MACROD1: variants seen among roughly 807,000 people sequenced by gnomAD.
The protein encoded by MACROD1 is mono-ADP ribosylhydrolase 1.
A neutral mutation model predicts 41.4 loss-of-function variants in MACROD1; 31 were observed. That is an observed-to-expected ratio of 0.75 (90% CI 0.56 to 1.01). The LOEUF (loss-of-function observed/expected upper bound fraction) is 1.01, where lower values mean the gene tolerates loss of function less well. Ranked by LOEUF, MACROD1 falls within the 50% of genes least tolerant of loss-of-function variation. The probability of loss-of-function intolerance (pLI) is 0.00; values close to 1 mark genes in which losing one functional copy is unlikely to be tolerated. For missense variants in MACROD1, 473 were observed against 460.0 expected, an observed-to-expected ratio of 1.03 and a Z score of -0.26; for synonymous variants, 252 against 203.4, an observed-to-expected ratio of 1.24 and a Z score of -2.03.
At chr11:64,021,792 G>A (rs1035890828) in intron 3 of MACROD1, among the ~76,000 whole-genome samples, 7 of 152,036 alleles carry the variant, frequency 4.6e-5, no homozygotes, top group Non-Finnish European at 1.0e-4. Flanking sequence ...CAGGCGCTGG[G>A]ACACGGATGG....
chr11:64,125,636 C>T (rs1164468065), intron 3 of MACROD1, among the ~76,000 whole-genome samples: 1 of 152,242 alleles, frequency 6.6e-6, no homozygotes. Context: ...TCGCTCCACC[C>T]TGCCTTGGAT....
rs765613317 is a variant in MACROD1, at chr11:64,151,352, A to T, written c.404T>A (p.Val135Glu). The T allele has an allele frequency of 2.5e-6, 4 of 1,612,016 alleles. No individual in the cohort carries two copies. In the African/African-American group the frequency reaches 5.3e-5, roughly 22 times the overall value. ...IPTWKEMAKG[V>E]AVKVEEPRYK... ...CCTGGGCTCCTCCACCTTCACAGCC[A>T]CCCCTGGAACAAGTAGGGGCCGGGG... The change falls in exon 3 of 11, where the codon GTG becomes GAG. Residue 135 changes from valine (V) to glutamate (E), a missense_variant. Transcript: ENST00000255681.
chr11:64,092,267 G>C (rs140335697), intron 3 of MACROD1, among the ~76,000 whole-genome samples: 44 of 152,298 alleles, frequency 2.9e-4, no homozygotes, highest in South Asian at 1.7e-3. Flanking sequence ...AATTAAACAC[G>C]GATGGTTTCA....
intron 3 of MACROD1, among the ~76,000 whole-genome samples, chr11:64,035,259 C>T (rs529638890): frequency 6.6e-6 from 1 of 151,872 alleles, no homozygotes; most frequent in South Asian, 2.1e-4. Flanking sequence ...CTGGGGAGCG[C>T]CCGGGTGTTT....
chr11:64,162,780 A>T (rs1945775541), intron 1 of MACROD1, among the ~76,000 whole-genome samples: 1 of 150,102 alleles, frequency 6.7e-6, no homozygotes, highest in African/African-American at 2.5e-5. Flanking sequence ...GCGCCACTGC[A>T]CTCCAGCCTG....
intron 1 of MACROD1, among the ~76,000 whole-genome samples, chr11:64,156,239 C>T (rs544049791): frequency 6.6e-6 from 1 of 152,248 alleles, no homozygotes; most frequent in East Asian, 1.9e-4. Context: ...TGTGATTGTG[C>T]CACTGCACTC....
Position 64,090,821 on chromosome 11 carries a change from A to C in MACROD1, c.517+60418T>G, listed in dbSNP as rs1431400513. 6.6e-6 allele frequency among the ~76,000 whole-genome samples: 1 copy of C among 152,008 alleles called. No individual in the cohort carries two copies. Among genetic ancestry groups the C allele is most frequent in the Non-Finnish European group, 1.5e-5 (1 of 67,998 alleles). On this transcript the variant is annotated intron_variant, in intron 3 of 10. Coordinates refer to ENST00000255681, the MANE Select transcript of MACROD1 (RefSeq NM_014067.4). The surrounding 1 kb of genome is among the most constrained non-coding windows in gnomAD (Gnocchi z 4.7). ...TTTGTCTCTGGGGCTCTGCAGAAGC[A>C]GAGCCCGAGTCGGGTCCAGCCCTGC...
chr11:64,114,706 CATAG>C (rs531595719), intron 3 of MACROD1, among the ~76,000 whole-genome samples: 18 of 137,764 alleles, frequency 1.3e-4, no homozygotes, highest in Admixed American at 1.1e-3. Flanking sequence ...TGGACTGATA[CATAG>C]ATGGATGGAT....
chr11:64,009,987 T>G (rs1373485674), intron 4 of MACROD1, among the ~76,000 whole-genome samples: 2 of 146,656 alleles, frequency 1.4e-5, no homozygotes, highest in Non-Finnish European at 3.0e-5. Context: ...GTTGGTTGGG[T>G]TGTTGCCTGG....
chr11:64,093,223 C>T (rs1944520901), intron 3 of MACROD1, among the ~76,000 whole-genome samples: 1 of 152,236 alleles, frequency 6.6e-6, no homozygotes, highest in African/African-American at 2.4e-5. Context: ...GCGGCCACTA[C>T]TGTTGTTAGT....
At position 64,165,798 on chromosome 11, in the gene MACROD1, G is replaced by GCCCCACCGCCGCCC; in HGVS notation, c.196_197insGGGCGGCGGTGGGG (p.Ala66GlyfsTer29). 6.8e-7 allele frequency: 1 copy of GCCCCACCGCCGCCC among 1,479,250 alleles called. No individual in the cohort carries two copies. Among genetic ancestry groups the GCCCCACCGCCGCCC allele is most frequent in the Non-Finnish European group, 8.9e-7 (1 of 1,117,618 alleles). 91.6% of individuals were successfully genotyped at this position (1,479,250 alleles called of 1,614,324 possible). A position where few individuals can be genotyped will look rare whatever the true frequency, so the allele number is the denominator to read the frequency against. The stretch of plus-strand genomic sequence containing the variant: ...CCCGGCTGTCCGCCCCACCGCCGCC[G>GCCCCACCGCCGCCC]CCCCCCACGCCCCAACTCCCGCCGA... On this transcript the variant is annotated frameshift_variant, in exon 1 of 11. Coordinates refer to ENST00000255681, the MANE Select transcript of MACROD1 (RefSeq NM_014067.4). LOFTEE classifies it high-confidence loss of function.
chr11:64,162,316 C>T (rs961092211), intron 1 of MACROD1, among the ~76,000 whole-genome samples: 2 of 151,942 alleles, frequency 1.3e-5, no homozygotes, highest in South Asian at 2.1e-4. Flanking sequence ...TGCACTCCAG[C>T]GTGGGCAACA....
At chr11:64,098,721 C>T (rs1944620613) in intron 3 of MACROD1, among the ~76,000 whole-genome samples, 1 of 152,174 alleles carries the variant, frequency 6.6e-6, no homozygotes, top group African/African-American at 2.4e-5. Flanking sequence ...TAGCTCGCAC[C>T]AGCTCTGACC....
chr11:64,001,459 G>A lies in MACROD1; in HGVS notation c.548-1116C>T, dbSNP rs1313228968. On this transcript the variant is annotated intron_variant, in intron 4 of 10. Coordinates refer to ENST00000255681, the MANE Select transcript of MACROD1 (RefSeq NM_014067.4). ...ACCATCATTCCCCATTTTACAGATG[G>A]ACAAACCAAGGCCACCTTCTCCTTC... The A allele has an allele frequency of 4.3e-6, 3 of 702,390 alleles. No individual in the cohort carries two copies. The South Asian group carries it at 4.4e-5, about 10-fold the overall frequency. 43.5% of individuals were successfully genotyped at this position (702,390 alleles called of 1,614,324 possible).
At chr11:64,109,162 C>T (rs1944816606) in intron 3 of MACROD1, among the ~76,000 whole-genome samples, 1 of 152,042 alleles carries the variant, frequency 6.6e-6, no homozygotes, top group African/African-American at 2.4e-5. Flanking sequence ...GGGGCTATTT[C>T]CTTGCTGGCT....
At chr11:64,008,708 G>A (rs558288098) in intron 4 of MACROD1, among the ~76,000 whole-genome samples, 29 of 152,308 alleles carry the variant, frequency 1.9e-4, no homozygotes, top group African/African-American at 7.0e-4. Context: ...CAGGGCCGAC[G>A]GCATGGGGGC....
chr11:64,029,368 G>C (rs1943264591), intron 3 of MACROD1, among the ~76,000 whole-genome samples: 1 of 152,136 alleles, frequency 6.6e-6, no homozygotes, highest in Non-Finnish European at 1.5e-5. Context: ...TGACGGGGTG[G>C]GGGGATCCCC....
At chr11:64,115,656 G>A (rs575889089) in intron 3 of MACROD1, among the ~76,000 whole-genome samples, 2 of 152,234 alleles carry the variant, frequency 1.3e-5, no homozygotes, top group African/African-American at 4.8e-5. Flanking sequence ...GTTCCCGCAG[G>A]TTCTGGCGAC....
At chr11:64,152,480 A>G in intron 1 of MACROD1, 87 bp from the exon 2 acceptor site, 1 of 1,049,014 alleles carries the variant, frequency 9.5e-7, no homozygotes. Context: ...TGCCTCATCC[A>G]AGAATGCAAA....
Sources: allele counts gnomAD v4.1 joint callset (sites outside exome capture counted in the v4.1 genomes callset), GRCh38; gene constraint gnomAD v4.1.1; non-coding constraint Gnocchi (gnomAD v3.1); transcripts MANE v1.5; gene names NCBI Gene and HGNC (gene_info 2026-07-23, HGNC 2026-07-21).